KANTR: variants seen among roughly 807,000 people sequenced by gnomAD.
KANTR encodes KANTR integral membrane protein, also known as KDM5C adjacent transcript.
intron 2 of KANTR, among the ~76,000 whole-genome samples, chrX:53,121,524 A>T (rs1374315866): frequency 2.7e-5 from 3 of 110,755 alleles, no homozygotes; most frequent in Non-Finnish European, 5.7e-5. Flanking sequence ...GATCCAATTC[A>T]AAATATCGCA....
downstream of KANTR, among the ~76,000 whole-genome samples, chrX:53,131,407 A>T (rs1046121155): frequency 8.9e-6 from 1 of 112,261 alleles, no homozygotes; most frequent in African/African-American, 3.2e-5. Context: ...TATTAAAAGG[A>T]TAATGAATCA....
chrX:53,110,111 C>T lies in KANTR; in HGVS notation c.-805+10503C>T, dbSNP rs372096920. 5.4e-5 allele frequency among the ~76,000 whole-genome samples: 6 copies of T among 111,521 alleles called. No homozygotes were observed. The South Asian group carries it at 2.2e-3, about 42-fold the overall frequency. ...GTATTTTCTATATATAAGATTGTGT[C>T]GTCTGCAAATGGGAACAATTTTACT... On this transcript the variant is annotated intron_variant, in intron 2 of 2. Transcript: ENST00000604062.
chrX:53,117,605 GTGTGTT>G (rs1933146638), intron 2 of KANTR, among the ~76,000 whole-genome samples: 2 of 36,702 alleles, frequency 5.4e-5, no homozygotes, highest in South Asian at 1.9e-3. Context: ...GTGTGTGTGT[GTGTGTT>G]TTTTTTTTTT....
chrX:53,144,372 C>T (rs1444365781), downstream of KANTR, among the ~76,000 whole-genome samples: 10 of 111,268 alleles, frequency 9.0e-5, no homozygotes, highest in African/African-American at 3.3e-4. Flanking sequence ...TCCAGCCTGG[C>T]AGTAGAACCA....
intron 2 of KANTR, among the ~76,000 whole-genome samples, chrX:53,136,729 TA>T (rs1933429915): frequency 5.7e-5 from 3 of 52,403 alleles, no homozygotes; most frequent in African/African-American, 1.1e-4. Context: ...TATATATATA[TA>T]TTTTGTTTGT....
At chrX:53,122,236 A>G (rs1556815608) in intron 2 of KANTR, among the ~76,000 whole-genome samples, 1 of 111,723 alleles carries the variant, frequency 9.0e-6, no homozygotes, top group East Asian at 2.8e-4. Flanking sequence ...GGTTTTGAGC[A>G]CTGCTTTACT....
chrX:53,095,398 T>C (rs1178533997), intron 1 of KANTR, among the ~76,000 whole-genome samples: 1 of 110,538 alleles, frequency 9.0e-6, no homozygotes, highest in Non-Finnish European at 1.9e-5. Context: ...CTCCCTTTAT[T>C]TTCTTGCTAT....
downstream of KANTR, among the ~76,000 whole-genome samples, chrX:53,130,045 T>C (rs1933342134): frequency 9.1e-6 from 1 of 110,103 alleles, no homozygotes; most frequent in Admixed American, 9.8e-5. Context: ...TTTTGTATTT[T>C]TAGTAGAGAC....
At chrX:53,106,019 A>C (rs181739688) in intron 2 of KANTR, among the ~76,000 whole-genome samples, 1 of 104,360 alleles carries the variant, frequency 9.6e-6, no homozygotes, top group Admixed American at 1.0e-4. Flanking sequence ...CACCATGCCC[A>C]GCTAATTTTT....
intron 2 of KANTR, among the ~76,000 whole-genome samples, chrX:53,115,880 G>T (rs1261114149): frequency 8.9e-6 from 1 of 112,016 alleles, no homozygotes; most frequent in African/African-American, 3.2e-5. Context: ...GTATTTTCGT[G>T]TATGGATTGT....
exon 3 of KANTR, chrX:53,141,949 C>G (rs1222904537): frequency 1.1e-5 from 5 of 445,269 alleles, no homozygotes; most frequent in Non-Finnish European, 1.5e-5. Context: ...ATGGCTTGGA[C>G]TTTCCAACTC....
intron 2 of KANTR, among the ~76,000 whole-genome samples, chrX:53,134,101 C>T (rs180904527): frequency 1.8e-5 from 2 of 111,882 alleles, no homozygotes; most frequent in Admixed American, 1.9e-4. Context: ...GTGACTCACG[C>T]CTATAATCCC....
At chrX:53,108,725 G>T (rs1303109171) in intron 2 of KANTR, among the ~76,000 whole-genome samples, 2 of 105,821 alleles carry the variant, frequency 1.9e-5, no homozygotes, top group Non-Finnish European at 3.9e-5. Context: ...TTTTGAGGCA[G>T]GGTCTCGCTC....
exon 3 of KANTR, chrX:53,127,216 C>G (rs1312714576): frequency 2.7e-5 from 3 of 112,306 alleles, no homozygotes; most frequent in African/African-American, 6.5e-5. Context: ...CCATCACATG[C>G]ATTTTATATC....
Position 53,096,682 on chromosome X carries a change from C to T in KANTR, c.-942+2398C>T, listed in dbSNP as rs781983856. Among the ~76,000 whole-genome samples, 4 of 108,951 alleles carry T rather than the reference C, an allele frequency of 3.7e-5. No individual in the cohort carries two copies. The South Asian group carries it at 1.2e-3, about 32-fold the overall frequency. 94.6% of individuals were successfully genotyped at this position (108,951 alleles called of 115,157 possible). On this transcript the variant is annotated intron_variant, in intron 1 of 2. Transcript: ENST00000604062. ...CTCTACAAAAAATACAAAAATTAGCCGGGTGTTGTGGTGCACGCCTGTGGT... is the reference window on the plus strand; with the variant it reads ...CTCTACAAAAAATACAAAAATTAGCTGGGTGTTGTGGTGCACGCCTGTGGT...
chrX:53,100,304 A>G (rs1234651479), intron 2 of KANTR, among the ~76,000 whole-genome samples: 1 of 108,487 alleles, frequency 9.2e-6, no homozygotes, highest in African/African-American at 3.4e-5. Context: ...AACATGGAGA[A>G]ACCCTGCCTC....
intron 2 of KANTR, among the ~76,000 whole-genome samples, chrX:53,139,536 AG>A (rs1482461604): frequency 8.9e-6 from 1 of 112,021 alleles, no homozygotes; most frequent in Non-Finnish European, 1.9e-5. Flanking sequence ...TCAAGAAGAG[AG>A]GTTGGGTGTA....
At chrX:53,109,599 A>T (rs1442032353) in intron 2 of KANTR, among the ~76,000 whole-genome samples, 1 of 111,268 alleles carries the variant, frequency 9.0e-6, no homozygotes, top group Non-Finnish European at 1.9e-5. Context: ...TAAGTATTTT[A>T]CTTTTTTTCT....
At chrX:53,102,688 CTTG>C (rs1398364659) in intron 2 of KANTR, among the ~76,000 whole-genome samples, 1 of 111,465 alleles carries the variant, frequency 9.0e-6, no homozygotes, top group African/African-American at 3.3e-5. Context: ...TATCAACAAC[CTTG>C]TTGTAAATCT....
Sources: allele counts gnomAD v4.1 joint callset (sites outside exome capture counted in the v4.1 genomes callset), GRCh38; gene constraint gnomAD v4.1.1; transcripts MANE v1.5; gene names NCBI Gene and HGNC (gene_info 2026-07-23, HGNC 2026-07-21).